DCDC1: variants seen among roughly 807,000 people sequenced by gnomAD.
DCDC1 encodes doublecortin domain-containing protein 1.
Under a neutral mutation model 178.3 loss-of-function variants are expected in DCDC1, and 200 were observed. The observed-to-expected ratio is 1.12, with a 90% confidence interval of 1.00 to 1.26. The LOEUF is 1.26. DCDC1 is among the 50% of genes most tolerant of loss of function. DCDC1 has a pLI of 0.00. For synonymous variants in DCDC1, 690 were observed against 604.8 expected (o/e 1.14, Z -2.07); for missense variants, 1,983 against 1,749.2 (o/e 1.13, Z -2.38).
intron 20 of DCDC1, among the ~76,000 whole-genome samples, chr11:30,971,556 G>GT (rs1262371985): frequency 6.8e-6 from 1 of 147,668 alleles, no homozygotes; most frequent in African/African-American, 2.5e-5. Flanking sequence ...TTCAACAAGA[G>GT]TATGTCATGT....
intron 9 of DCDC1, among the ~76,000 whole-genome samples, chr11:31,163,129 C>T (rs1031636372): frequency 6.6e-6 from 1 of 152,066 alleles, no homozygotes; most frequent in Non-Finnish European, 1.5e-5. Flanking sequence ...GGAAAATTTC[C>T]CATGGCAACC....
At chr11:31,011,676 G>C (rs925609187) in intron 20 of DCDC1, among the ~76,000 whole-genome samples, 9 of 152,142 alleles carry the variant, frequency 5.9e-5, no homozygotes, top group African/African-American at 2.2e-4. Flanking sequence ...TACAAATAAA[G>C]TTGAAAGTAT....
At chr11:31,023,215 T>A (rs530530254) in intron 20 of DCDC1, among the ~76,000 whole-genome samples, 1 of 152,114 alleles carries the variant, frequency 6.6e-6, no homozygotes, top group African/African-American at 2.4e-5. Context: ...GACAAATAAG[T>A]TATCATTAGA....
intron 9 of DCDC1, among the ~76,000 whole-genome samples, chr11:31,211,655 G>T (rs891078913): frequency 6.6e-6 from 1 of 152,138 alleles, no homozygotes; most frequent in Non-Finnish European, 1.5e-5. Flanking sequence ...TATACAAGCT[G>T]TCAATGGTGC....
At chr11:31,080,773 T>C (rs1178588876) in intron 17 of DCDC1, among the ~76,000 whole-genome samples, 1 of 152,210 alleles carries the variant, frequency 6.6e-6, no homozygotes, top group African/African-American at 2.4e-5. Context: ...GTAGGGGCTA[T>C]AACTCAATGC....
At chr11:31,353,757 G>C (rs1462526083) in intron 1 of DCDC1, among the ~76,000 whole-genome samples, 2 of 152,170 alleles carry the variant, frequency 1.3e-5, no homozygotes, top group Middle Eastern at 3.2e-3. Flanking sequence ...AACAGAATAA[G>C]CACAGTGAAC....
intron 38 of DCDC1, among the ~76,000 whole-genome samples, chr11:30,867,592 T>C (rs532597662): frequency 2.0e-5 from 3 of 152,254 alleles, no homozygotes; most frequent in African/African-American, 7.2e-5. Flanking sequence ...AAGTCAGGCC[T>C]TTGTCTCCAA....
At chr11:31,027,630 G>A (rs1366747773) in intron 20 of DCDC1, among the ~76,000 whole-genome samples, 12 of 151,496 alleles carry the variant, frequency 7.9e-5, no homozygotes, top group African/African-American at 1.2e-4. Flanking sequence ...CATCTTAATC[G>A]TGTGTACAAT....
At chr11:31,279,569 A>G (rs1039237535) in intron 7 of DCDC1, among the ~76,000 whole-genome samples, 4 of 152,202 alleles carry the variant, frequency 2.6e-5, no homozygotes, top group Non-Finnish European at 5.9e-5. Context: ...GCCATAAAAA[A>G]AGGATGAGTT....
At chr11:31,231,960 T>C (rs1030461637) in intron 9 of DCDC1, among the ~76,000 whole-genome samples, 1 of 152,224 alleles carries the variant, frequency 6.6e-6, no homozygotes, top group East Asian at 1.9e-4. Context: ...GCATATGCTT[T>C]CCAAACTCAA....
intron 31 of DCDC1, 176 bp from the exon 32 acceptor site, chr11:30,903,859 G>T: frequency 1.9e-6 from 1 of 517,398 alleles, no homozygotes; most frequent in Non-Finnish European, 3.0e-6. Context: ...ATATTAGATT[G>T]TCCTACCTAA....
At chr11:31,257,041 T>G (rs1361001143) in intron 8 of DCDC1, among the ~76,000 whole-genome samples, 1 of 152,212 alleles carries the variant, frequency 6.6e-6, no homozygotes, top group Non-Finnish European at 1.5e-5. Flanking sequence ...TTTTAGGTGT[T>G]GCAAGGTGGA....
At chr11:30,950,577 G>A (rs1358577809) in intron 21 of DCDC1, among the ~76,000 whole-genome samples, 2 of 152,124 alleles carry the variant, frequency 1.3e-5, no homozygotes, top group African/African-American at 4.8e-5. Flanking sequence ...AGGACATTTT[G>A]TTAAGTAAAA....
At chr11:30,943,458 G>T in intron 21 of DCDC1, 1 of 309,860 alleles carries the variant, frequency 3.2e-6, no homozygotes, top group Non-Finnish European at 6.4e-6. Context: ...CGTCCAAATG[G>T]ATATATTTTA....
At chr11:31,021,135 G>A (rs1394645505) in intron 20 of DCDC1, among the ~76,000 whole-genome samples, 3 of 152,166 alleles carry the variant, frequency 2.0e-5, no homozygotes, top group Admixed American at 6.5e-5. Flanking sequence ...GCTGGTGAAG[G>A]TGTAAATTGC....
rs750636009 is a variant in DCDC1 at position 31,305,753 on chromosome 11, G to A, written c.616C>T (p.Leu206=). The A allele has an allele frequency of 3.8e-5, 61 of 1,613,462 alleles. No individual in the cohort carries two copies. Among genetic ancestry groups the A allele is most frequent in the Middle Eastern group, 3.3e-4 (2 of 6,082 alleles). ...TLLLEECTEK[L]NLNMAARRVF... ...CGTCTTGCGGCCATGTTCAGATTCA[G>A]CTTTTCTGTGCACTCCTCCAGCAGC... is the stretch of plus-strand genomic sequence containing the variant. The change falls in exon 6 of 39, where the codon CTG becomes TTG. Residue 206 remains leucine (L), a synonymous_variant. Coordinates refer to ENST00000684477, the MANE Select transcript of DCDC1 (RefSeq NM_001387274.1).
At chr11:31,295,631 C>G (rs1329542725) in intron 6 of DCDC1, among the ~76,000 whole-genome samples, 2 of 152,188 alleles carry the variant, frequency 1.3e-5, no homozygotes, top group Non-Finnish European at 2.9e-5. Context: ...GTGTCTTTCA[C>G]ATTTCAGACT....
rs181157779 is a variant in DCDC1 at position 31,287,608 on chromosome 11, T to C, written c.960+3039A>G. Among the ~76,000 whole-genome samples, 13 of 152,154 alleles carry C rather than the reference T, an allele frequency of 8.5e-5. No individual in the cohort carries two copies. The East Asian group carries it at 2.3e-3, about 27-fold the overall frequency. ...TACAAAGGACGATGAATCAGTCTGATATCAGACTTCTCAACAGCAACACTA... is the reference window on the plus strand; with the variant it reads ...TACAAAGGACGATGAATCAGTCTGACATCAGACTTCTCAACAGCAACACTA... On this transcript the variant is annotated intron_variant, in intron 7 of 38. Transcript: ENST00000684477.
chr11:31,366,434 A>G (rs1951960752), intron 1 of DCDC1, among the ~76,000 whole-genome samples: 1 of 152,184 alleles, frequency 6.6e-6, no homozygotes. Context: ...GAATCAGAAT[A>G]TATTCTAAGG....
Sources: gnomAD v4.1 joint callset for allele counts (sites outside exome capture counted in the v4.1 genomes callset) on GRCh38, gnomAD v4.1.1 for gene constraint, MANE v1.5 for transcripts, NCBI Gene and HGNC (gene_info 2026-07-23, HGNC 2026-07-21) for gene names.